The following MAP4 variants were observed in gnomAD, a reference collection of about 807,000 sequenced individuals.
MAP4 encodes the protein microtubule associated protein 4.
In MAP4, 76 loss-of-function variants were observed where a neutral mutation model predicts 170.2. That is an observed-to-expected ratio of 0.45 (90% CI 0.37 to 0.54). MAP4 has a LOEUF of 0.54. MAP4 is among the 20% of genes least tolerant of loss of function. The pLI is 0.00. For synonymous variants in MAP4, 909 were observed against 994.5 expected, an observed-to-expected ratio of 0.91 and a Z score of 1.62; for missense variants, 2,506 against 2,748.0, an observed-to-expected ratio of 0.91 and a Z score of 1.97.
intron 1 of MAP4, among the ~76,000 whole-genome samples, chr3:48,061,200 CT>C (rs1384329398): frequency 2.7e-5 from 4 of 146,926 alleles, no homozygotes; most frequent in Admixed American, 6.7e-5. Flanking sequence ...CCCCCTCCCC[CT>C]CTCCCTCTCC....
At chr3:48,074,721 T>TGTGTGTGA (rs1259180548) in intron 1 of MAP4, among the ~76,000 whole-genome samples, 1 of 149,142 alleles carries the variant, frequency 6.7e-6, no homozygotes, top group African/African-American at 2.5e-5. Context: ...TGTGTGTGTG[T>TGTGTGTGA]GTGTGATATG....
intron 1 of MAP4, among the ~76,000 whole-genome samples, chr3:48,061,403 G>A (rs1343217151): frequency 1.3e-5 from 2 of 152,024 alleles, no homozygotes; most frequent in East Asian, 1.9e-4. Context: ...CCTGTTGGCC[G>A]GGCTGGTCTC....
chr3:47,904,532 G>A (rs901968262), intron 9 of MAP4, among the ~76,000 whole-genome samples: 1 of 151,672 alleles, frequency 6.6e-6, no homozygotes, highest in Non-Finnish European at 1.5e-5. Flanking sequence ...GGCTGGTCTC[G>A]AACTCCTGAC....
intron 3 of MAP4, among the ~76,000 whole-genome samples, chr3:47,976,989 T>C (rs367867984): frequency 2.0e-5 from 3 of 152,298 alleles, no homozygotes; most frequent in East Asian, 3.9e-4. Flanking sequence ...GAGGTATGCA[T>C]ATAAGAGAAA....
At chr3:47,917,865 T>A (rs141359035) in intron 6 of MAP4, among the ~76,000 whole-genome samples, 124 of 152,316 alleles carry the variant, frequency 8.1e-4, no homozygotes, top group African/African-American at 2.9e-3. Context: ...TTTTGTTTTT[T>A]GAGACACGGT....
chr3:47,858,614 T>TGTGTGTGTGTGTGTGTGC (rs1491506129), intron 17 of MAP4, among the ~76,000 whole-genome samples: 30 of 138,510 alleles, frequency 2.2e-4, no homozygotes, highest in African/African-American at 6.7e-4. Context: ...TGTGTGTGTG[T>TGTGTGTGTGTGTGTGTGC]GCGCGTTGTG....
At chr3:47,951,320 C>CCCT (rs1559571270) in intron 3 of MAP4, among the ~76,000 whole-genome samples, 4 of 152,040 alleles carry the variant, frequency 2.6e-5, no homozygotes, top group African/African-American at 9.7e-5. Context: ...CAGACCCTCT[C>CCCT]CCTCTCCCTC....
chr3:47,923,853 AG>A (rs2100044339), intron 4 of MAP4, among the ~76,000 whole-genome samples: 1 of 152,170 alleles, frequency 6.6e-6, no homozygotes, highest in South Asian at 2.1e-4. Flanking sequence ...ATTAAGAAAA[AG>A]AAAAGATGGG....
chr3:48,033,053 C>A (rs932917076), intron 1 of MAP4, among the ~76,000 whole-genome samples: 2 of 152,196 alleles, frequency 1.3e-5, no homozygotes, highest in African/African-American at 2.4e-5. Flanking sequence ...TTGAATCCAA[C>A]CTCCTTATTT....
At chr3:47,867,768 G>A (rs1019162603) in intron 16 of MAP4, among the ~76,000 whole-genome samples, 1 of 152,188 alleles carries the variant, frequency 6.6e-6, no homozygotes, top group Non-Finnish European at 1.5e-5. Context: ...CACCCAAAGA[G>A]GGTGCTTCCC....
intron 10 of MAP4, among the ~76,000 whole-genome samples, chr3:47,887,442 G>A (rs968179662): frequency 1.3e-5 from 2 of 152,196 alleles, no homozygotes; most frequent in South Asian, 2.1e-4. Flanking sequence ...CTGCTTTCCC[G>A]CGGGGCAGGG....
Position 47,852,600 on chromosome 3 carries a change from A to G in MAP4, c.*334T>C. ...CCTAGATCCCAACTTAGCCTCAACC[A>G]CCCCAACCCCCTCCCAACCTCCTCC... On this transcript the variant is annotated 3_prime_UTR_variant, in exon 21 of 21. Transcript: ENST00000683076. The G allele has an allele frequency of 1.4e-6, 1 of 730,014 alleles. No individual in the cohort carries two copies. Among genetic ancestry groups the G allele is most frequent in the South Asian group, 2.1e-5 (1 of 47,166 alleles). 45.2% of individuals were successfully genotyped at this position (730,014 alleles called of 1,614,324 possible).
At chr3:48,019,378 C>T (rs1265902222), upstream of MAP4, among the ~76,000 whole-genome samples, 2 of 152,004 alleles carry the variant, frequency 1.3e-5, no homozygotes, top group Admixed American at 6.6e-5. Flanking sequence ...AGATATCAGC[C>T]ACTACCATCA....
At chr3:47,984,557 C>A (rs1215914879) in intron 2 of MAP4, among the ~76,000 whole-genome samples, 1 of 151,810 alleles carries the variant, frequency 6.6e-6, no homozygotes, top group Non-Finnish European at 1.5e-5. Flanking sequence ...AGAGGCTGGG[C>A]GTGGTGGCTC....
At position 47,871,253 on chromosome 3, in the gene MAP4, T is replaced by C. The variant is rs983784057; in HGVS notation, c.5975A>G (p.Lys1992Arg). The stretch of plus-strand genomic sequence containing the variant: ...TGGTACAGACTTTGCAGTCATCTTC[T>C]TGACTTCTGCAGGTTTTCCCTCAGT... ...IKTEGKPAEVKKMTAKSVPAD... is the reference protein window; with the variant it reads ...IKTEGKPAEVRKMTAKSVPAD... Residue 1992 changes from lysine to arginine, a missense_variant, in exon 14 of 21, where the codon AAG becomes AGG. Lys to Arg is a conservative substitution (Grantham distance 26, BLOSUM62 2). Coordinates refer to ENST00000683076, the MANE Select transcript of MAP4 (RefSeq NM_001385682.1). 14 of 1,614,258 alleles carry C rather than the reference T, an allele frequency of 8.7e-6. No individual in the cohort carries two copies. Among genetic ancestry groups the C allele is most frequent in the Non-Finnish European group, 1.1e-5 (13 of 1,180,032 alleles).
At chr3:47,994,396 T>C (rs1257854013) in intron 2 of MAP4, among the ~76,000 whole-genome samples, 3 of 152,224 alleles carry the variant, frequency 2.0e-5, no homozygotes, top group Non-Finnish European at 2.9e-5. Context: ...ATGGTTGAGA[T>C]GCTCTTCCCA....
intron 10 of MAP4, among the ~76,000 whole-genome samples, chr3:47,882,390 T>C (rs1559887397): frequency 6.6e-6 from 1 of 152,264 alleles, no homozygotes; most frequent in African/African-American, 2.4e-5. Context: ...TCTGTTTCAC[T>C]TTCCTGCCTT....
intron 3 of MAP4, among the ~76,000 whole-genome samples, chr3:47,964,385 T>C (rs1001571149): frequency 3.3e-5 from 5 of 152,082 alleles, no homozygotes. Flanking sequence ...AAACTGGGTG[T>C]GGGGTGTGAG....
intron 16 of MAP4, among the ~76,000 whole-genome samples, chr3:47,867,612 G>A (rs1011614987): frequency 1.3e-5 from 2 of 152,228 alleles, no homozygotes; most frequent in Non-Finnish European, 2.9e-5. Context: ...CTTTGGGGGC[G>A]GGGTTGTGGT....
Sources: gnomAD v4.1 joint callset for allele counts (sites outside exome capture counted in the v4.1 genomes callset) on GRCh38, gnomAD v4.1.1 for gene constraint, MANE v1.5 for transcripts, NCBI Gene and HGNC (gene_info 2026-07-23, HGNC 2026-07-21) for gene names.